MASP1: variants seen among roughly 807,000 people sequenced by gnomAD.
MASP1 encodes mannan-binding lectin serine protease 1.
In MASP1, 59 loss-of-function variants were observed where a neutral mutation model predicts 77.1. The observed-to-expected ratio is 0.77, with a 90% CI of 0.62 to 0.95. MASP1 has a LOEUF of 0.95. Among genes scored for constraint, MASP1 ranks in the 40% least tolerant of loss-of-function variants. The pLI is 0.00. For missense variants in MASP1, 885 were observed against 912.9 expected (o/e 0.97, Z 0.39); for synonymous variants, 362 against 354.5 (o/e 1.02, Z -0.24).
chr3:187,225,627 A>G (rs1209346916), intron 12 of MASP1: 12 of 988,094 alleles, frequency 1.2e-5, no homozygotes, highest in Non-Finnish European at 1.6e-5. Flanking sequence ...TAGCCCTTTC[A>G]CTGCCTTCAT....
chr3:187,260,229 G>C (rs1324130210), intron 4 of MASP1, among the ~76,000 whole-genome samples: 2 of 152,174 alleles, frequency 1.3e-5, no homozygotes, highest in East Asian at 3.8e-4. Context: ...TAGGTACGTT[G>C]ATGATAGATG....
At position 187,260,761 on chromosome 3, in the gene MASP1, G is replaced by A; in HGVS notation, c.527C>T (p.Thr176Ile). Reference sequence around the variant, plus strand: ...TCTACCTCGGCAGGTCCTGTTGTCTGTGTGGAGGATGTAGCCGAAGCGGCA... The same window carrying A: ...TCTACCTCGGCAGGTCCTGTTGTCTATGTGGAGGATGTAGCCGAAGCGGCA... ...CSCRFGYILH[T>I]DNRTCRVECS... Residue 176 changes from threonine (T) to isoleucine (I), a missense_variant, in exon 4 of 11, where the codon ACA (threonine) becomes ATA (isoleucine). By Grantham distance (89) the Thr-to-Ile change is moderately conservative (BLOSUM62 -1). Transcript: ENST00000296280. 1 of 1,614,172 alleles carries A rather than the reference G, an allele frequency of 6.2e-7. No individual in the cohort carries two copies. The highest frequency in any genetic ancestry group is 1.7e-5 in the Admixed American group (1 of 60,018).
chr3:187,220,297 C>G, intron 15 of MASP1: 1 of 1,592,948 alleles, frequency 6.3e-7, no homozygotes, highest in Non-Finnish European at 8.6e-7. Flanking sequence ...AGATAAAATG[C>G]CCCTTCCCAG....
In MASP1 at chr3:187,285,920, A is replaced by C; in HGVS notation, c.142T>G (p.Trp48Gly). 6.2e-7 allele frequency: 1 copy of C among 1,614,150 alleles called. No homozygotes were observed. Among genetic ancestry groups the C allele is most frequent in the East Asian group, 2.2e-5 (1 of 44,882 alleles). The change falls in exon 2 of 11, where the codon TGG becomes GGG. Residue 48 changes from tryptophan to glycine, a missense_variant. Physicochemically the swap from Trp to Gly is radical, Grantham distance 184. Transcript: ENST00000296280. ...DSYPSDSEVTWNITVPDGFRI... is the reference protein window; with the variant it reads ...DSYPSDSEVTGNITVPDGFRI... ...AACCCATCTGGGACAGTGATATTCCAAGTCACCTCTGAATCACTGGGATAG... is the reference window on the plus strand; with the variant it reads ...AACCCATCTGGGACAGTGATATTCCCAGTCACCTCTGAATCACTGGGATAG...
chr3:187,259,438 C>T (rs1045251563), intron 4 of MASP1, among the ~76,000 whole-genome samples: 1 of 152,044 alleles, frequency 6.6e-6, no homozygotes. Context: ...ATGCACAATA[C>T]ACAGATGGAC....
In MASP1 at chr3:187,236,146, T is replaced by C; in HGVS notation, c.1725A>G (p.Pro575=). Residue 575 remains proline (P), a synonymous_variant, in exon 11 of 11, where the codon CCA becomes CCG. Transcript: ENST00000296280. ...LGPHVMPVCL[P]RLEPEGPAPH... is the part of the protein sequence containing the mutation. ...GGGCCGGGCCTTCAGGCTCAAGCCT[T>C]GGCAGGCAGACAGGCATAACGTGGG... The C allele has an allele frequency of 1.2e-6, 2 of 1,613,968 alleles. No homozygotes were observed. Among genetic ancestry groups the C allele is most frequent in the African/African-American group, 1.3e-5 (1 of 75,036 alleles).
At position 187,235,642 on chromosome 3, in the gene MASP1, A is replaced by G. The variant is rs573381935; in HGVS notation, c.*42T>C. On this transcript the variant is annotated 3_prime_UTR_variant, in exon 11 of 11. Transcript: ENST00000296280. The stretch of plus-strand genomic sequence containing the variant: ...GAGTGTGCTGTCGGAAGTGCGGTGT[A>G]GCTTCGCTCAGGGGAGGCAGGCCCC... 3.0e-5 allele frequency: 49 copies of G among 1,611,658 alleles called. 3 individuals carry two copies. The South Asian group carries it at 4.9e-4, about 16-fold the overall frequency.
chr3:187,264,678 G>A (rs564658978), intron 2 of MASP1, among the ~76,000 whole-genome samples: 3 of 152,158 alleles, frequency 2.0e-5, no homozygotes, highest in East Asian at 3.9e-4. Flanking sequence ...AACTTCTGAA[G>A]TCTTCTTTAT....
At chr3:187,247,464 G>T in intron 8 of MASP1, 1 of 1,525,490 alleles carries the variant, frequency 6.6e-7, no homozygotes, top group Non-Finnish European at 9.1e-7. Context: ...AAGAGAGAGA[G>T]ATTAGCAAGC....
In MASP1 at chr3:187,234,761, C is replaced by G. The variant is rs1457466271; in HGVS notation, c.*923G>C. ...AAGCACAGCAGGACACAGTGTGGGT[C>G]TTTTCTTTTTCCAGGTAATCGACTA... On this transcript the variant is annotated 3_prime_UTR_variant, in exon 11 of 11. Coordinates refer to ENST00000296280, the MANE Select transcript of MASP1 (RefSeq NM_139125.4). 5 of 1,287,144 alleles carry G rather than the reference C, an allele frequency of 3.9e-6. No homozygotes were observed. In the African/African-American group the frequency reaches 7.6e-5, roughly 20 times the overall value. 79.7% of individuals were successfully genotyped at this position (1,287,144 alleles called of 1,614,324 possible). A position where few individuals can be genotyped will look rare whatever the true frequency, so the allele number is the denominator to read the frequency against.
At chr3:187,246,348 G>T in intron 8 of MASP1, 2 of 982,038 alleles carry the variant, frequency 2.0e-6, no homozygotes, top group Non-Finnish European at 2.4e-6. Flanking sequence ...TATGAATGCT[G>T]TTAATACGTT....
intron 2 of MASP1, among the ~76,000 whole-genome samples, chr3:187,283,863 C>T (rs527347623): frequency 1.3e-5 from 2 of 152,046 alleles, no homozygotes; most frequent in Non-Finnish European, 2.9e-5. Context: ...GGGAATGGGC[C>T]GGGAGATTCC....
At chr3:187,257,827 C>T (rs145762588) in intron 4 of MASP1, among the ~76,000 whole-genome samples, 1 of 152,204 alleles carries the variant, frequency 6.6e-6, no homozygotes, top group African/African-American at 2.4e-5. Context: ...CCTAATGGGC[C>T]CCCTGTGGCA....
chr3:187,262,706 G>A lies in MASP1; in HGVS notation c.252C>T (p.Asp84=). 1.9e-6 allele frequency: 3 copies of A among 1,614,072 alleles called. No homozygotes were observed. The highest frequency in any genetic ancestry group is 2.5e-6 in the Non-Finnish European group (3 of 1,179,990). The change falls in exon 3 of 11, where the codon GAC becomes GAT. Residue 84 remains aspartate, a synonymous_variant. Coordinates refer to ENST00000296280, the MANE Select transcript of MASP1 (RefSeq NM_139125.4). Reference sequence around the variant, plus strand: ...TGCCACAGAAGGTTGCCAGCACCTGGTCCTCAGTTTCTACCTTTGAGGTCA... The same window carrying A: ...TGCCACAGAAGGTTGCCAGCACCTGATCCTCAGTTTCTACCTTTGAGGTCA... ...EYDYVKVETE[D]QVLATFCGRE... is the part of the protein sequence containing the mutation.
intron 2 of MASP1, chr3:187,276,788 C>T (rs550604313): frequency 7.9e-5 from 12 of 152,198 alleles, no homozygotes; most frequent in African/African-American, 1.9e-4. Flanking sequence ...AGAATTCCAC[C>T]GGAGACTACA....
At chr3:187,222,015 C>G (rs1247318225) in intron 14 of MASP1, among the ~76,000 whole-genome samples, 2 of 152,158 alleles carry the variant, frequency 1.3e-5, no homozygotes, top group Non-Finnish European at 2.9e-5. Context: ...GTTGCCCTTG[C>G]TGGGAGGAAA....
intron 2 of MASP1, among the ~76,000 whole-genome samples, chr3:187,266,676 C>T (rs370413825): frequency 1.4e-4 from 22 of 152,048 alleles, no homozygotes; most frequent in Non-Finnish European, 2.5e-4. Flanking sequence ...CATTACCTGG[C>T]GTCAGAAAGG....
intron 5 of MASP1, among the ~76,000 whole-genome samples, chr3:187,255,658 G>A (rs1715009109): frequency 6.6e-6 from 1 of 152,172 alleles, no homozygotes; most frequent in Non-Finnish European, 1.5e-5. Context: ...ACACAAGTAG[G>A]GGACAGCCCA....
chr3:187,239,367 A>G (rs1426045803), intron 10 of MASP1, among the ~76,000 whole-genome samples: 1 of 152,082 alleles, frequency 6.6e-6, no homozygotes, highest in Non-Finnish European at 1.5e-5. Context: ...AAAAGGTCAG[A>G]ATATCATAGG....
Sources: gnomAD v4.1 joint callset for allele counts (sites outside exome capture counted in the v4.1 genomes callset) on GRCh38, gnomAD v4.1.1 for gene constraint, MANE v1.5 for transcripts, NCBI Gene and HGNC (gene_info 2026-07-23, HGNC 2026-07-21) for gene names.